EIF3H: variants seen among roughly 807,000 people sequenced by gnomAD.
EIF3H encodes the protein eukaryotic translation initiation factor 3 subunit H.
EIF3H carries 26 observed loss-of-function variants against 44.2 expected under a neutral mutation model. The observed-to-expected ratio is 0.59, with a 90% confidence interval of 0.43 to 0.82. EIF3H has a LOEUF of 0.82. Among genes scored for constraint, EIF3H ranks in the 40% least tolerant of loss-of-function variants. The pLI, the probability that EIF3H is intolerant of heterozygous loss-of-function variation, is 0.00. For synonymous variants in EIF3H, 166 were observed against 151.9 expected, an observed-to-expected ratio of 1.09 and a Z score of -0.68; for missense variants, 359 against 432.8, an observed-to-expected ratio of 0.83 and a Z score of 1.51.
chr8:116,715,433 G>A (rs1296792618), intron 2 of EIF3H, among the ~76,000 whole-genome samples: 1 of 151,988 alleles, frequency 6.6e-6, no homozygotes, highest in African/African-American at 2.4e-5. Flanking sequence ...CATGAATACT[G>A]TCTGAGTAAA....
intron 6 of EIF3H, among the ~76,000 whole-genome samples, chr8:116,648,452 C>CT (rs1462874032): frequency 5.3e-5 from 8 of 152,136 alleles, no homozygotes; most frequent in Non-Finnish European, 1.2e-4. Context: ...CTGAAGATTG[C>CT]TAACTATGCC....
chr8:116,687,185 A>G (rs1346694755), intron 2 of EIF3H, among the ~76,000 whole-genome samples: 1 of 152,210 alleles, frequency 6.6e-6, no homozygotes, highest in Non-Finnish European at 1.5e-5. Flanking sequence ...AAATGTGAAT[A>G]GGCAGTTAGC....
chr8:116,688,119 A>T (rs564809267), intron 2 of EIF3H, among the ~76,000 whole-genome samples: 1 of 152,274 alleles, frequency 6.6e-6, no homozygotes, highest in Admixed American at 6.5e-5. Context: ...CCTGAATTCT[A>T]AGGGAAACAT....
intron 2 of EIF3H, among the ~76,000 whole-genome samples, chr8:116,718,234 C>T (rs909938387): frequency 2.0e-5 from 3 of 151,952 alleles, no homozygotes; most frequent in Non-Finnish European, 4.4e-5. Flanking sequence ...TAGATGTTGG[C>T]CTGGATGGGG....
At chr8:116,687,637 G>A (rs866129328) in intron 2 of EIF3H, among the ~76,000 whole-genome samples, 22 of 152,178 alleles carry the variant, frequency 1.4e-4, no homozygotes, top group South Asian at 8.3e-4. Flanking sequence ...ATTTTTATAG[G>A]ATTTTAAAAC....
chr8:116,651,067 A>G (rs1813382977), intron 5 of EIF3H, among the ~76,000 whole-genome samples: 1 of 152,254 alleles, frequency 6.6e-6, no homozygotes, highest in African/African-American at 2.4e-5. Context: ...AGAATGTTCT[A>G]GAGCTAGTAA....
chr8:116,745,923 A>AG (rs1301556668), intron 1 of EIF3H, among the ~76,000 whole-genome samples: 1 of 151,952 alleles, frequency 6.6e-6, no homozygotes, highest in African/African-American at 2.4e-5. Flanking sequence ...TCTGTCTCAA[A>AG]GGAAAAAAAA....
At chr8:116,741,086 T>C (rs1284560793) in intron 1 of EIF3H, among the ~76,000 whole-genome samples, 1 of 152,238 alleles carries the variant, frequency 6.6e-6, no homozygotes, top group African/African-American at 2.4e-5. Context: ...AAGTCTGATT[T>C]CTTTTTTAAT....
intron 1 of EIF3H, 95 bp downstream of exon 1, chr8:116,755,571 A>C (rs1330913763): frequency 6.5e-7 from 1 of 1,547,354 alleles, no homozygotes; most frequent in African/African-American, 1.4e-5. Context: ...AGCCACACCA[A>C]GCCCAAGGGG....
intron 1 of EIF3H, among the ~76,000 whole-genome samples, chr8:116,732,912 T>C (rs1185255961): frequency 6.6e-6 from 1 of 152,168 alleles, no homozygotes; most frequent in African/African-American, 2.4e-5. Context: ...CTGGGTATCT[T>C]ACAATTTAAT....
At position 116,696,881 on chromosome 8, in the gene EIF3H, G is replaced by C. The variant is rs538465730; in HGVS notation, c.289+29135C>G. On this transcript the variant is annotated intron_variant, in intron 2 of 7. Transcript: ENST00000521861. ...AGAACAGCCCTGCACACACAAAAAA[G>C]TCAAAAGCACAGGTGACAAAACTTT... Among the ~76,000 whole-genome samples the C allele has an allele frequency of 4.6e-5, 7 of 152,310 alleles. No homozygotes were observed. In the South Asian group the frequency reaches 1.5e-3, roughly 32 times the overall value.
At chr8:116,657,377 T>C in intron 3 of EIF3H, 63 bp from the exon 4 acceptor site, 1 of 1,227,278 alleles carries the variant, frequency 8.1e-7, no homozygotes, top group Non-Finnish European at 1.2e-6. Flanking sequence ...TGAATGGCAT[T>C]GGTTCTAGGC....
intron 1 of EIF3H, 41 bp from the exon 2 acceptor site, chr8:116,726,213 T>C (rs781239191): frequency 2.6e-5 from 41 of 1,550,316 alleles, no homozygotes; most frequent in Non-Finnish European, 3.4e-5. Flanking sequence ...ACAACCATCC[T>C]AGTTTATTAT....
At chr8:116,766,141 G>A (rs1815570069) in exon 1 of EIF3H, 1 of 153,258 alleles carries the variant, frequency 6.5e-6, no homozygotes, top group Non-Finnish European at 1.5e-5. Context: ...AAACATTCAG[G>A]GGAATAATGT....
chr8:116,721,822 G>A (rs1473550055), intron 2 of EIF3H, among the ~76,000 whole-genome samples: 1 of 152,224 alleles, frequency 6.6e-6, no homozygotes, highest in Non-Finnish European at 1.5e-5. Flanking sequence ...TTTGAAATAG[G>A]TGGATTTATC....
At chr8:116,680,847 TAAA>T (rs11369606) in intron 2 of EIF3H, among the ~76,000 whole-genome samples, 2 of 81,270 alleles carry the variant, frequency 2.5e-5, no homozygotes, top group Non-Finnish European at 3.7e-5. Flanking sequence ...AATAAATAAA[TAAA>T]AAAAAAGAAA....
intron 6 of EIF3H, among the ~76,000 whole-genome samples, chr8:116,648,553 G>A (rs1270051133): frequency 2.6e-5 from 4 of 152,172 alleles, no homozygotes; most frequent in Non-Finnish European, 5.9e-5. Flanking sequence ...CTCAATAAAT[G>A]TATCTCTTAT....
intron 2 of EIF3H, among the ~76,000 whole-genome samples, chr8:116,720,966 TAGAAA>T (rs1458881924): frequency 1.3e-5 from 2 of 152,026 alleles, no homozygotes; most frequent in South Asian, 2.1e-4. Flanking sequence ...AACAATGCGA[TAGAAA>T]AGAAAAGCCC....
intron 2 of EIF3H, among the ~76,000 whole-genome samples, chr8:116,716,860 C>A (rs1814666330): frequency 6.6e-6 from 1 of 151,972 alleles, no homozygotes; most frequent in South Asian, 2.1e-4. Context: ...GATTAAAAAT[C>A]TCCTCTTTAC....
Sources: allele counts gnomAD v4.1 joint callset (sites outside exome capture counted in the v4.1 genomes callset), GRCh38; gene constraint gnomAD v4.1.1; transcripts MANE v1.5; gene names NCBI Gene and HGNC (gene_info 2026-07-23, HGNC 2026-07-21).